The following ZNF600 variants were observed in gnomAD, a reference collection of about 807,000 sequenced individuals.
ZNF600 encodes the protein zinc finger protein KR-ZNF1.
In ZNF600, 4 loss-of-function variants were observed where a neutral mutation model predicts 7.3. The observed-to-expected ratio is 0.55, with a 90% CI of 0.27 to 1.25. ZNF600 has a LOEUF of 1.25. Ranked by LOEUF, ZNF600 falls within the 50% of genes most tolerant of loss-of-function variation. ZNF600 has a pLI of 0.12. For missense variants in ZNF600, 911 were observed against 922.1 expected (o/e 0.99, Z 0.16); for synonymous variants, 290 against 308.9 (o/e 0.94, Z 0.64).
At chr19:52,781,153 G>C (rs1408801531) in intron 1 of ZNF600, 98 bp from the exon 3 acceptor site, 1 of 140,800 alleles carries the variant, frequency 7.1e-6, no homozygotes, top group East Asian at 1.9e-4. Context: ...TTCATCTTGT[G>C]CTTCTTTTTT....
the ZNF600 span, among the ~76,000 whole-genome samples, chr19:52,824,166 A>G: frequency 6.6e-6 from 1 of 152,066 alleles, no homozygotes; most frequent in Admixed American, 6.6e-5. Context: ...AAATAAAACA[A>G]AACAAAACAA....
chr19:52,778,898 G>C lies in ZNF600; in HGVS notation c.-10C>G, dbSNP rs529294836. ...CTTCTTCACATAACATGAGTCTTTAGGAATCAATCCTGTATGTGAAAAAAA... is the reference window on the plus strand; with the variant it reads ...CTTCTTCACATAACATGAGTCTTTACGAATCAATCCTGTATGTGAAAAAAA... On this transcript the variant is annotated 5_prime_UTR_variant, in exon 2 of 4. Transcript: ENST00000648973. 96 of 1,598,770 alleles carry C rather than the reference G, an allele frequency of 6.0e-5. No individual in the cohort carries two copies. In the South Asian group the frequency reaches 1.0e-3, roughly 17 times the overall value.
At chr19:52,814,994 G>C in the ZNF600 span, among the ~76,000 whole-genome samples, 3 of 145,524 alleles carry the variant, frequency 2.1e-5, no homozygotes, top group Non-Finnish European at 3.0e-5. Flanking sequence ...CAAGAAATTA[G>C]ATGTTAATAA....
the ZNF600 span, chr19:52,799,840 C>T: frequency 6.2e-7 from 1 of 1,614,004 alleles, no homozygotes. Context: ...AAAACCTTGC[C>T]ACATTCATTA....
the ZNF600 span, among the ~76,000 whole-genome samples, chr19:52,811,651 C>T: frequency 2.0e-5 from 3 of 147,434 alleles, no homozygotes; most frequent in African/African-American, 7.8e-5. Context: ...AAACCCTCTG[C>T]CTGGCAACCG....
At chr19:52,774,056 C>A (rs1247314629) in intron 3 of ZNF600, among the ~76,000 whole-genome samples, 1 of 151,860 alleles carries the variant, frequency 6.6e-6, no homozygotes, top group South Asian at 2.1e-4. Context: ...AAGAAACCAA[C>A]CCAGATGTCC....
chr19:52,795,654 C>T, the ZNF600 span, among the ~76,000 whole-genome samples: 1 of 152,076 alleles, frequency 6.6e-6, no homozygotes, highest in East Asian at 1.9e-4. Flanking sequence ...GCAATGTCCG[C>T]CTCCTGGATT....
At chr19:52,796,795 T>C in the ZNF600 span, among the ~76,000 whole-genome samples, 1 of 152,208 alleles carries the variant, frequency 6.6e-6, no homozygotes, top group African/African-American at 2.4e-5. Flanking sequence ...TTTCTTCTTG[T>C]TTCAATTTTA....
At chr19:52,824,573 T>C in the ZNF600 span, among the ~76,000 whole-genome samples, 1 of 152,124 alleles carries the variant, frequency 6.6e-6, no homozygotes, top group Non-Finnish European at 1.5e-5. Context: ...AGGCAGAGGT[T>C]GCAGTGAGCT....
At chr19:52,813,421 CCCCG>C in the ZNF600 span, among the ~76,000 whole-genome samples, 2 of 148,218 alleles carry the variant, frequency 1.3e-5, no homozygotes, top group Admixed American at 6.7e-5. Context: ...GCAAGCTGCT[CCCCG>C]TGTTTCCCTG....
At chr19:52,800,117 C>T in the ZNF600 span, 3 of 1,613,956 alleles carry the variant, frequency 1.9e-6, no homozygotes, top group African/African-American at 4.0e-5. Flanking sequence ...TGTACGGTTT[C>T]TCTCCAGTAT....
the ZNF600 span, among the ~76,000 whole-genome samples, chr19:52,817,006 G>A: frequency 2.0e-5 from 3 of 151,130 alleles, no homozygotes; most frequent in Admixed American, 6.6e-5. Context: ...CATAGTCTCC[G>A]TGAGCTCGAT....
chr19:52,766,047 A>C lies in ZNF600; in HGVS notation c.1916T>G (p.Val639Gly), dbSNP rs540529633. Residue 639 changes from valine to glycine, a missense_variant, in exon 4 of 4, where the codon GTT becomes GGT. Val to Gly is a moderately radical substitution (Grantham distance 109, BLOSUM62 -3). Transcript: ENST00000648973. ...TCCAGTATGAAGTCTACGATGGTGA[A>C]CAAGGGATGGCTTGTGACTGAAGGT... 1.4e-5 allele frequency: 22 copies of C among 1,613,658 alleles called. No individual in the cohort carries two copies. In the East Asian group the frequency reaches 4.5e-4, roughly 33 times the overall value.
the ZNF600 span, among the ~76,000 whole-genome samples, chr19:52,833,085 C>A: frequency 6.6e-5 from 10 of 152,198 alleles, no homozygotes; most frequent in African/African-American, 2.4e-4. Context: ...ATCCTGTCTA[C>A]TAGTGTGCCT....
At chr19:52,830,508 A>G in the ZNF600 span, among the ~76,000 whole-genome samples, 2 of 151,920 alleles carry the variant, frequency 1.3e-5, no homozygotes, top group Non-Finnish European at 2.9e-5. Context: ...GGAGAACAGA[A>G]AGAAGTACAT....
At chr19:52,784,013 A>G (rs1477080814) in intron 1 of ZNF600, among the ~76,000 whole-genome samples, 1 of 152,158 alleles carries the variant, frequency 6.6e-6, no homozygotes, top group Non-Finnish European at 1.5e-5. Flanking sequence ...AGGCAGAGAT[A>G]GTCATTAGCC....
the ZNF600 span, among the ~76,000 whole-genome samples, chr19:52,812,387 A>G: frequency 1.4e-5 from 2 of 138,502 alleles, no homozygotes; most frequent in Admixed American, 1.4e-4. Flanking sequence ...GGATAGAAGT[A>G]GACATGGGAG....
the ZNF600 span, among the ~76,000 whole-genome samples, chr19:52,812,143 G>C: frequency 8.1e-6 from 1 of 123,832 alleles, no homozygotes; most frequent in Non-Finnish European, 1.6e-5. Flanking sequence ...GAGGGTGGTG[G>C]GGGGGTCAGC....
the ZNF600 span, among the ~76,000 whole-genome samples, chr19:52,811,399 A>C: frequency 2.1e-3 from 284 of 133,356 alleles, 1 homozygote; most frequent in African/African-American, 8.5e-3. Context: ...CCCAGTCTGG[A>C]AAGTGAGGAG....
Sources: allele counts gnomAD v4.1 joint callset (sites outside exome capture counted in the v4.1 genomes callset), GRCh38; gene constraint gnomAD v4.1.1; transcripts MANE v1.5; gene names NCBI Gene and HGNC (gene_info 2026-07-23, HGNC 2026-07-21).